The following SYN3 variants were observed in gnomAD, a reference collection of about 807,000 sequenced individuals.
SYN3 encodes synapsin III, also known as synapsin-3.
SYN3 carries 35 observed loss-of-function variants against 65.8 expected under a neutral mutation model. The observed-to-expected ratio is 0.53, with a 90% confidence interval of 0.41 to 0.70. SYN3 has a LOEUF of 0.70. Among genes scored for constraint, SYN3 ranks in the 30% least tolerant of loss-of-function variants. The probability of loss-of-function intolerance (pLI) is 0.00; values close to 1 mark genes in which losing one functional copy is unlikely to be tolerated. For missense variants in SYN3, 680 were observed against 749.0 expected (o/e 0.91, Z 1.08); for synonymous variants, 270 against 292.9 (o/e 0.92, Z 0.80).
intron 6 of SYN3, among the ~76,000 whole-genome samples, chr22:32,635,820 G>C (rs738994): frequency 6.6e-6 from 1 of 151,890 alleles, no homozygotes; most frequent in Non-Finnish European, 1.5e-5. Context: ...AAACCCAAAC[G>C]TTATTTTTGT....
At chr22:33,007,727 A>G (rs935529803) in intron 1 of SYN3, among the ~76,000 whole-genome samples, 8 of 152,310 alleles carry the variant, frequency 5.3e-5, no homozygotes, top group African/African-American at 1.9e-4. Context: ...AACTGTGAGA[A>G]ATAAGTACCT....
At chr22:32,569,559 C>CTATATA (rs1289552626) in intron 7 of SYN3, among the ~76,000 whole-genome samples, 537 of 51,102 alleles carry the variant, frequency 0.011, 4 homozygotes, top group Non-Finnish European at 0.014. Context: ...CTCTCTCTCT[C>CTATATA]TCTCTCTCTC....
In SYN3 at chr22:32,513,614, A is replaced by G; in HGVS notation, c.*78T>C. ...GCCCTCCATTCTGTTCCCATCAGGA[A>G]CCAAGGCTGAGAAGGAAGATGAGGC... On this transcript the variant is annotated 3_prime_UTR_variant, in exon 14 of 14. Coordinates refer to ENST00000358763, the MANE Select transcript of SYN3 (RefSeq NM_003490.4). 3.2e-6 allele frequency: 5 copies of G among 1,568,908 alleles called. No individual in the cohort carries two copies. Among genetic ancestry groups the G allele is most frequent in the Non-Finnish European group, 4.3e-6 (5 of 1,152,398 alleles).
At chr22:32,978,398 G>C (rs528776161) in intron 3 of SYN3, among the ~76,000 whole-genome samples, 1 of 152,194 alleles carries the variant, frequency 6.6e-6, no homozygotes, top group South Asian at 2.1e-4. Flanking sequence ...GAGAATTAGG[G>C]AGGAGTAGGG....
chr22:32,616,857 A>C lies in SYN3; in HGVS notation c.712-20121T>G, dbSNP rs1601768132. Among the ~76,000 whole-genome samples, 3 of 152,310 alleles carry C rather than the reference A, an allele frequency of 2.0e-5. No homozygotes were observed. In the Middle Eastern group the frequency reaches 0.01, roughly 518 times the overall value. On this transcript the variant is annotated intron_variant, in intron 6 of 13. Coordinates refer to ENST00000358763, the MANE Select transcript of SYN3 (RefSeq NM_003490.4). ...TGGACAGTGCATAGGGGAAATTTGCACTGGGCTTTGCTGGTCATGCAGGAG... is the reference window on the plus strand; with the variant it reads ...TGGACAGTGCATAGGGGAAATTTGCCCTGGGCTTTGCTGGTCATGCAGGAG...
chr22:32,509,920 G>C lies in SYN3; in HGVS notation c.*3772C>G, dbSNP rs2057673328. On this transcript the variant is annotated 3_prime_UTR_variant, in exon 14 of 14. Transcript: ENST00000358763. ...GGCTATAAACTAGTGTTATGTCATGGATCTGGATATATGAGTATGGTTATA... is the reference window on the plus strand; with the variant it reads ...GGCTATAAACTAGTGTTATGTCATGCATCTGGATATATGAGTATGGTTATA... Among the ~76,000 whole-genome samples the C allele has an allele frequency of 6.6e-6, 1 of 152,148 alleles. No homozygotes were observed. The highest frequency in any genetic ancestry group is 6.5e-5 in the Admixed American group (1 of 15,270).
intron 3 of SYN3, among the ~76,000 whole-genome samples, chr22:32,964,419 TAAA>T (rs201659599): frequency 0.096 from 12,312 of 128,704 alleles, 1,024 homozygotes; most frequent in African/African-American, 0.25. Context: ...TAAAGTATAA[TAAA>T]AAAAAAAAAA....
At chr22:32,896,771 T>TTG (rs1469082832) in intron 4 of SYN3, among the ~76,000 whole-genome samples, 1 of 152,238 alleles carries the variant, frequency 6.6e-6, no homozygotes, top group East Asian at 1.9e-4. Flanking sequence ...GGCTGTCACC[T>TTG]TGTTCGAAGA....
chr22:32,773,070 C>A (rs1043512682), intron 6 of SYN3, among the ~76,000 whole-genome samples: 1 of 152,132 alleles, frequency 6.6e-6, no homozygotes, highest in Non-Finnish European at 1.5e-5. Flanking sequence ...AATGAATAGG[C>A]ATGGTTGTGT....
intron 7 of SYN3, among the ~76,000 whole-genome samples, chr22:32,588,079 T>C (rs1224564344): frequency 1.3e-5 from 2 of 152,148 alleles, no homozygotes; most frequent in Non-Finnish European, 2.9e-5. Flanking sequence ...GAACAGTGCC[T>C]GCACAGAGTA....
Position 33,021,532 on chromosome 22 carries a change from C to G in SYN3, c.-162-14708G>C, listed in dbSNP as rs142209772. Among the ~76,000 whole-genome samples the G allele has an allele frequency of 8.1e-4, 123 of 152,262 alleles. 1 individual carries two copies. In the East Asian group the frequency reaches 0.017, roughly 21 times the overall value. ...AAGGCCTGGCACATTTCTTAGATAA[C>G]AAAGAAAGAAGATGAATTCCAGTGA... is the stretch of plus-strand genomic sequence containing the variant. On this transcript the variant is annotated intron_variant, in intron 1 of 13. Transcript: ENST00000358763.
chr22:32,827,685 C>G (rs1171756454), intron 6 of SYN3, among the ~76,000 whole-genome samples: 2 of 152,208 alleles, frequency 1.3e-5, no homozygotes, highest in Non-Finnish European at 2.9e-5. Flanking sequence ...TGCCAATGCC[C>G]TGCTCAAAGC....
At chr22:32,589,775 CT>C (rs1304302917) in intron 7 of SYN3, among the ~76,000 whole-genome samples, 2 of 152,154 alleles carry the variant, frequency 1.3e-5, no homozygotes, top group African/African-American at 4.8e-5. Context: ...TGGTCACACT[CT>C]CTCTAGTTCT....
chr22:32,636,954 A>C (rs189670903), intron 6 of SYN3, among the ~76,000 whole-genome samples: 2 of 152,332 alleles, frequency 1.3e-5, no homozygotes, highest in Non-Finnish European at 1.5e-5. Context: ...AGTATATAGA[A>C]CAGATAAAAG....
chr22:32,562,294 T>C (rs973112224), intron 7 of SYN3, among the ~76,000 whole-genome samples: 5 of 152,186 alleles, frequency 3.3e-5, no homozygotes, highest in African/African-American at 1.2e-4. Flanking sequence ...CCCACCTTCA[T>C]TGCATGACCC....
At chr22:32,859,450 T>A in intron 6 of SYN3, 1 of 1,520,856 alleles carries the variant, frequency 6.6e-7, no homozygotes, top group Non-Finnish European at 8.8e-7. Context: ...TCTTCCCAGA[T>A]GATGACAATG....
chr22:32,990,407 GCCATCCATCCATCCATCCAT>G (rs133923), intron 2 of SYN3, among the ~76,000 whole-genome samples: 9 of 144,732 alleles, frequency 6.2e-5, no homozygotes, highest in East Asian at 4.1e-4. Flanking sequence ...CATCCATCCA[GCCATCCATCCATCCATCCAT>G]CCATCCATCC....
At chr22:32,742,696 A>G (rs5754243) in intron 6 of SYN3, among the ~76,000 whole-genome samples, 86,110 of 152,038 alleles carry the variant, frequency 0.57, 24,666 homozygotes, top group East Asian at 0.69. Flanking sequence ...CAAAGCCCAT[A>G]TTCTTTCCAT....
intron 6 of SYN3, among the ~76,000 whole-genome samples, chr22:32,802,782 G>T (rs1339067185): frequency 1.3e-5 from 2 of 152,232 alleles, no homozygotes; most frequent in South Asian, 4.1e-4. Flanking sequence ...AGCAGAAGGT[G>T]CGAGGGGTCA....
Sources: allele counts gnomAD v4.1 joint callset (sites outside exome capture counted in the v4.1 genomes callset), GRCh38; gene constraint gnomAD v4.1.1; transcripts MANE v1.5; gene names NCBI Gene and HGNC (gene_info 2026-07-23, HGNC 2026-07-21).